The following RALYL variants were observed in gnomAD, a reference collection of about 807,000 sequenced individuals.
RALYL encodes RNA-binding Raly-like protein.
Under a neutral mutation model 35.1 loss-of-function variants are expected in RALYL, and 29 were observed. That is an observed-to-expected ratio of 0.83 (90% CI 0.61 to 1.13). The LOEUF (loss-of-function observed/expected upper bound fraction) is 1.13, where lower values mean the gene tolerates loss of function less well. RALYL is among the 50% of genes most tolerant of loss of function. RALYL has a pLI of 0.00. For missense variants in RALYL, 359 were observed against 360.4 expected (o/e 1.00, Z 0.03); for synonymous variants, 120 against 127.6 (o/e 0.94, Z 0.40).
At chr8:84,648,618 T>C (rs1828010054) in intron 2 of RALYL, among the ~76,000 whole-genome samples, 1 of 152,052 alleles carries the variant, frequency 6.6e-6, no homozygotes, top group African/African-American at 2.4e-5. Context: ...ATGCATGGAA[T>C]AAATCATTAT....
intron 1 of RALYL, among the ~76,000 whole-genome samples, chr8:84,410,136 A>G (rs1303158517): frequency 6.6e-6 from 1 of 151,938 alleles, no homozygotes; most frequent in Admixed American, 6.6e-5. Flanking sequence ...TTAATTGTTA[A>G]ACATGAAAAA....
At chr8:84,841,641 C>T (rs561778023) in intron 4 of RALYL, among the ~76,000 whole-genome samples, 1 of 152,180 alleles carries the variant, frequency 6.6e-6, no homozygotes, top group Admixed American at 6.5e-5. Context: ...ACAGAACTGT[C>T]TACCCCAAAT....
chr8:84,811,089 A>G (rs939595455), intron 4 of RALYL, among the ~76,000 whole-genome samples: 3 of 150,902 alleles, frequency 2.0e-5, no homozygotes, highest in Non-Finnish European at 3.0e-5. Flanking sequence ...TTTTTAACTT[A>G]TACTTTTGTT....
chr8:84,242,452 TCCC>T (rs1370637568), intron 1 of RALYL, among the ~76,000 whole-genome samples: 2 of 152,326 alleles, frequency 1.3e-5, no homozygotes, highest in African/African-American at 4.8e-5. Context: ...TAATTTACAT[TCCC>T]ACCAACAGTG....
chr8:84,551,955 T>C (rs1419019903), intron 2 of RALYL, among the ~76,000 whole-genome samples: 2 of 151,960 alleles, frequency 1.3e-5, no homozygotes, highest in Non-Finnish European at 2.9e-5. Context: ...CTATAGATAC[T>C]CCCATTTTTC....
At chr8:84,514,969 A>G (rs2057940728) in intron 1 of RALYL, among the ~76,000 whole-genome samples, 1 of 152,232 alleles carries the variant, frequency 6.6e-6, no homozygotes, top group Admixed American at 6.5e-5. Flanking sequence ...AGATAACACT[A>G]CAAATAATGC....
At chr8:84,235,284 A>G (rs764698758) in intron 1 of RALYL, among the ~76,000 whole-genome samples, 16 of 152,360 alleles carry the variant, frequency 1.1e-4, no homozygotes, top group Middle Eastern at 3.4e-3. Flanking sequence ...AAGTTGAAAT[A>G]CAGGCTAAGA....
chr8:84,646,175 AT>A (rs145959841), intron 2 of RALYL, among the ~76,000 whole-genome samples: 1,734 of 148,186 alleles, frequency 0.012, 38 homozygotes, highest in African/African-American at 0.039. Context: ...TTTTTCTTTT[AT>A]TTTTTTTTAA....
chr8:84,396,323 CT>C (rs751628786), intron 1 of RALYL, among the ~76,000 whole-genome samples: 1 of 151,904 alleles, frequency 6.6e-6, no homozygotes, highest in Non-Finnish European at 1.5e-5. Context: ...ATGAAGCTGC[CT>C]AAAAGATAAT....
intron 2 of RALYL, among the ~76,000 whole-genome samples, chr8:84,612,819 A>C (rs911024428): frequency 6.6e-6 from 1 of 151,726 alleles, no homozygotes; most frequent in Admixed American, 6.6e-5. Flanking sequence ...TATCCTTGGA[A>C]CAACATTGCT....
At chr8:84,873,420 C>G in intron 7 of RALYL, 23 bp downstream of exon 7, 1 of 1,405,458 alleles carries the variant, frequency 7.1e-7, no homozygotes, top group Non-Finnish European at 9.9e-7. Flanking sequence ...TGATCACAGA[C>G]AGGTCAGAAT....
chr8:84,746,966 A>G (rs1808753003), intron 2 of RALYL, among the ~76,000 whole-genome samples: 1 of 150,786 alleles, frequency 6.6e-6, no homozygotes, highest in Non-Finnish European at 1.5e-5. Context: ...TTGCAAATTA[A>G]TGATCACATA....
chr8:84,395,309 T>C (rs77322742), intron 1 of RALYL, among the ~76,000 whole-genome samples: 2,271 of 152,036 alleles, frequency 0.015, 24 homozygotes, highest in Middle Eastern at 0.044. Flanking sequence ...GTCCTCTTAT[T>C]ATTCCATTTC....
At chr8:84,902,579 T>G (rs1845874733) in intron 8 of RALYL, among the ~76,000 whole-genome samples, 1 of 152,160 alleles carries the variant, frequency 6.6e-6, no homozygotes, top group African/African-American at 2.4e-5. Flanking sequence ...GGACACAGAT[T>G]CACCAGGCCT....
At chr8:84,767,337 CAA>C (rs2133460335) in intron 2 of RALYL, among the ~76,000 whole-genome samples, 1 of 152,128 alleles carries the variant, frequency 6.6e-6, no homozygotes, top group African/African-American at 2.4e-5. Flanking sequence ...AAAGAAGAAA[CAA>C]AAATTGGCTA....
intron 1 of RALYL, among the ~76,000 whole-genome samples, chr8:84,363,313 A>T (rs1287031721): frequency 1.3e-5 from 2 of 152,200 alleles, no homozygotes; most frequent in South Asian, 4.1e-4. Context: ...GCATAGGCAC[A>T]TGACCCAGGA....
At chr8:84,815,125 T>C (rs1421939840) in intron 4 of RALYL, among the ~76,000 whole-genome samples, 1 of 152,340 alleles carries the variant, frequency 6.6e-6, no homozygotes, top group East Asian at 1.9e-4. Flanking sequence ...TTTAAATGCA[T>C]GTGGTGGAGG....
chr8:84,425,549 C>T (rs1384268301), intron 1 of RALYL, among the ~76,000 whole-genome samples: 7 of 152,196 alleles, frequency 4.6e-5, no homozygotes. Context: ...TGGAGCTGTT[C>T]CTATTCGGCC....
chr8:84,718,278 T>A (rs188598405), intron 2 of RALYL, among the ~76,000 whole-genome samples: 399 of 152,282 alleles, frequency 2.6e-3, no homozygotes, highest in Non-Finnish European at 4.9e-3. Flanking sequence ...AAACAGTATA[T>A]CTAGAGGTCA....
Sources: allele counts gnomAD v4.1 joint callset (sites outside exome capture counted in the v4.1 genomes callset), GRCh38; gene constraint gnomAD v4.1.1; transcripts MANE v1.5; gene names NCBI Gene and HGNC (gene_info 2026-07-23, HGNC 2026-07-21).